UPRT: variants seen among roughly 807,000 people sequenced by gnomAD.
UPRT encodes the protein RP11-311P8.3.
UPRT carries 5 observed loss-of-function variants against 22.6 expected under a neutral mutation model. The ratio of observed to expected loss-of-function variants is 0.22; its 90% confidence interval spans 0.12 to 0.47. The LOEUF is 0.47. Ranked by LOEUF, UPRT falls within the 20% of genes least tolerant of loss-of-function variation. The pLI, the probability that UPRT is intolerant of heterozygous loss-of-function variation, is 0.99. For synonymous variants in UPRT, 77 were observed against 87.7 expected, an observed-to-expected ratio of 0.88 and a Z score of 0.68; for missense variants, 181 against 239.9, an observed-to-expected ratio of 0.75 and a Z score of 1.62.
chrX:75,284,524 A>T (rs2082671935), intron 1 of UPRT, among the ~76,000 whole-genome samples: 1 of 111,183 alleles, frequency 9.0e-6, no homozygotes, highest in African/African-American at 3.3e-5. Flanking sequence ...TTTCCTATGG[A>T]TGTGGCTTCC....
intron 1 of UPRT, among the ~76,000 whole-genome samples, chrX:75,287,486 A>G (rs1471817423): frequency 1.8e-5 from 2 of 111,925 alleles, no homozygotes; most frequent in African/African-American, 6.5e-5. Flanking sequence ...TGGGTCTACT[A>G]TGAGATGTAG....
rs749959338 is a variant in UPRT at position 75,280,123 on chromosome X, TG to T, written c.386+5484del. Among the ~76,000 whole-genome samples, 19 of 109,881 alleles carry T rather than the reference TG, an allele frequency of 1.7e-4. No individual in the cohort carries two copies. In the East Asian group the frequency reaches 2.3e-3, roughly 13 times the overall value. On this transcript the variant is annotated intron_variant, in intron 1 of 6. Transcript: ENST00000373383. Reference sequence around the variant, plus strand: ...TAGCCCACTTTTTGATGGGATTGTTTGTTTTTTTTTTTCTTGCTGATTTGTT... The same window carrying T: ...TAGCCCACTTTTTGATGGGATTGTTTTTTTTTTTTTTCTTGCTGATTTGTT...
intron 4 of UPRT, among the ~76,000 whole-genome samples, chrX:75,218,383 AAAC>A (rs1485343096): frequency 9.3e-6 from 1 of 107,815 alleles, no homozygotes; most frequent in Non-Finnish European, 1.9e-5. Flanking sequence ...AAAAGTCAGG[AAAC>A]AACAGGTGCT....
At chrX:75,240,848 A>G (rs943434795) in intron 4 of UPRT, among the ~76,000 whole-genome samples, 1 of 111,891 alleles carries the variant, frequency 8.9e-6, no homozygotes, top group Non-Finnish European at 1.9e-5. Flanking sequence ...CTATTCAACA[A>G]ATGGTGCTGG....
At chrX:75,251,510 G>A (rs765707151) in intron 4 of UPRT, among the ~76,000 whole-genome samples, 1 of 111,287 alleles carries the variant, frequency 9.0e-6, no homozygotes, top group South Asian at 3.8e-4. Flanking sequence ...TACAAGGGAC[G>A]TGAAGGACCT....
At chrX:75,254,506 A>G (rs1317028505) in intron 4 of UPRT, among the ~76,000 whole-genome samples, 1 of 111,914 alleles carries the variant, frequency 8.9e-6, no homozygotes, top group African/African-American at 3.2e-5. Context: ...AACATAAACA[A>G]AGCCTCCAAG....
intron 4 of UPRT, among the ~76,000 whole-genome samples, chrX:75,193,580 G>A (rs775070370): frequency 9.0e-6 from 1 of 111,324 alleles, no homozygotes; most frequent in East Asian, 2.8e-4. Flanking sequence ...TCCCTCTCAG[G>A]TATGCCAGTG....
intron 4 of UPRT, among the ~76,000 whole-genome samples, chrX:75,298,089 C>T (rs866248700): frequency 6.1e-4 from 66 of 108,759 alleles, no homozygotes; most frequent in African/African-American, 2.0e-3. Flanking sequence ...AGTAATCCTC[C>T]CACCTCAGCC....
chrX:75,201,258 A>T (rs994580710), intron 4 of UPRT, among the ~76,000 whole-genome samples: 1 of 112,727 alleles, frequency 8.9e-6, no homozygotes, highest in African/African-American at 3.2e-5. Flanking sequence ...TTGCTTCACT[A>T]GAAAGTAATT....
chrX:75,286,586 A>G (rs949799842), intron 1 of UPRT, among the ~76,000 whole-genome samples: 2 of 111,860 alleles, frequency 1.8e-5, no homozygotes, highest in Non-Finnish European at 3.8e-5. Context: ...TACGTATTTT[A>G]CAAGCCACGT....
At chrX:75,284,914 T>G (rs10126516) in intron 1 of UPRT, among the ~76,000 whole-genome samples, 23 of 110,440 alleles carry the variant, frequency 2.1e-4, no homozygotes, top group African/African-American at 6.3e-4. Context: ...GGAAGGAACA[T>G]TAGGTGGGGG....
At chrX:75,266,633 T>C (rs1456876937) in intron 4 of UPRT, among the ~76,000 whole-genome samples, 2 of 111,234 alleles carry the variant, frequency 1.8e-5, no homozygotes, top group Non-Finnish European at 3.8e-5. Context: ...CAAAAGAAAC[T>C]ACCATCAGAG....
At chrX:75,245,472 C>T (rs547433986) in intron 4 of UPRT, among the ~76,000 whole-genome samples, 1 of 111,045 alleles carries the variant, frequency 9.0e-6, no homozygotes, top group East Asian at 2.8e-4. Context: ...AAACATTCTA[C>T]CATAAAGAAA....
At chrX:75,274,817 T>TGTGTGTGTGTGTG in intron 1 of UPRT, 177 bp downstream of exon 1, 1 of 371,456 alleles carries the variant, frequency 2.7e-6, no homozygotes, top group African/African-American at 2.8e-5. Flanking sequence ...TGTGTGTGTG[T>TGTGTGTGTGTGTG]CGTGTAACTC....
intron 4 of UPRT, among the ~76,000 whole-genome samples, chrX:75,218,901 C>T (rs966686979): frequency 1.9e-5 from 2 of 107,554 alleles, no homozygotes; most frequent in Non-Finnish European, 3.8e-5. Flanking sequence ...GGTGGGGGAA[C>T]GGGGGAGGGA....
intron 4 of UPRT, among the ~76,000 whole-genome samples, chrX:75,188,716 A>G (rs1446538959): frequency 8.9e-6 from 1 of 112,643 alleles, no homozygotes; most frequent in Non-Finnish European, 1.9e-5. Flanking sequence ...TGTGGGACAC[A>G]ATCTCCTGGT....
chrX:75,180,473 T>G (rs1431321241), intron 4 of UPRT, among the ~76,000 whole-genome samples: 1 of 111,686 alleles, frequency 9.0e-6, no homozygotes, highest in Non-Finnish European at 1.9e-5. Flanking sequence ...GCTTGGGCTC[T>G]CACAGTATTT....
At chrX:75,166,896 G>T (rs1279015524) in intron 3 of UPRT, among the ~76,000 whole-genome samples, 2 of 112,208 alleles carry the variant, frequency 1.8e-5, no homozygotes, top group Non-Finnish European at 3.8e-5. Context: ...ACATATAGCT[G>T]TATAATTTTT....
chrX:75,286,252 T>G (rs2147694390), intron 1 of UPRT, among the ~76,000 whole-genome samples: 1 of 103,141 alleles, frequency 9.7e-6, no homozygotes, highest in African/African-American at 3.6e-5. Context: ...GAATAATTTT[T>G]TATGTTAAGT....
Sources: allele counts gnomAD v4.1 joint callset (sites outside exome capture counted in the v4.1 genomes callset), GRCh38; gene constraint gnomAD v4.1.1; transcripts MANE v1.5; gene names NCBI Gene and HGNC (gene_info 2026-07-23, HGNC 2026-07-21).